PPEF1: variants seen among roughly 807,000 people sequenced by gnomAD.
PPEF1 encodes serine/threonine-protein phosphatase with EF-hands 1.
In PPEF1, 12 loss-of-function variants were observed where a neutral mutation model predicts 53.3. That is an observed-to-expected ratio of 0.23 (90% CI 0.14 to 0.36). The LOEUF is 0.36. Ranked by LOEUF, PPEF1 falls within the 10% of genes least tolerant of loss-of-function variation. PPEF1 has a pLI of 1.00. For missense variants in PPEF1, 334 were observed against 490.4 expected (o/e 0.68, Z 3.01); for synonymous variants, 165 against 176.7 (o/e 0.93, Z 0.52).
intron 2 of PPEF1, among the ~76,000 whole-genome samples, chrX:18,732,594 T>C (rs186420627): frequency 1.8e-5 from 2 of 112,302 alleles, no homozygotes; most frequent in East Asian, 5.6e-4. Context: ...TGACTGTTAA[T>C]GGACAAACCC....
intron 9 of PPEF1, among the ~76,000 whole-genome samples, chrX:18,787,608 C>G (rs1011495857): frequency 1.8e-5 from 2 of 109,829 alleles, no homozygotes; most frequent in African/African-American, 6.6e-5. Context: ...TGGCCTTGCT[C>G]AATGAGCTCA....
chrX:18,795,396 G>A (rs189835479), intron 10 of PPEF1, among the ~76,000 whole-genome samples: 3 of 112,314 alleles, frequency 2.7e-5, no homozygotes, highest in Non-Finnish European at 5.6e-5. Flanking sequence ...CTGTCACTAT[G>A]TTGTCATTTT....
intron 2 of PPEF1, among the ~76,000 whole-genome samples, chrX:18,732,053 A>AT (rs1182882551): frequency 1.1e-4 from 12 of 112,008 alleles, no homozygotes; most frequent in African/African-American, 3.9e-4. Flanking sequence ...CGCCCAGCTA[A>AT]TTTTTGCATT....
intron 10 of PPEF1, among the ~76,000 whole-genome samples, chrX:18,800,003 G>T (rs957041430): frequency 2.7e-5 from 3 of 111,746 alleles, no homozygotes; most frequent in Non-Finnish European, 5.6e-5. Flanking sequence ...AGAACTCAGG[G>T]AATGGATTCT....
At chrX:18,685,259 T>G (rs1193329111) in intron 2 of PPEF1, among the ~76,000 whole-genome samples, 3 of 112,457 alleles carry the variant, frequency 2.7e-5, no homozygotes, top group African/African-American at 9.7e-5. Flanking sequence ...GAATTGGGGA[T>G]CTTTTGGATA....
chrX:18,676,657 C>G lies in PPEF1; in HGVS notation c.-587+527C>G, dbSNP rs187319004. On this transcript the variant is annotated intron_variant, in intron 1 of 20. Coordinates refer to the PPEF1 transcript ENST00000689646. ...CTGGGAAGCCTGATAATAAGTGTAT[C>G]CCACCTGTTTCCAAACCCCTAGCGG... 5.9e-3 allele frequency among the ~76,000 whole-genome samples: 655 copies of G among 111,807 alleles called. 3 individuals are homozygous for G. The highest frequency in any genetic ancestry group is 0.011 in the Non-Finnish European group (565 of 53,109).
chrX:18,820,467 C>G (rs1294274232), intron 13 of PPEF1, among the ~76,000 whole-genome samples: 1 of 108,721 alleles, frequency 9.2e-6, no homozygotes, highest in Non-Finnish European at 1.9e-5. Context: ...CTCACTGCAA[C>G]CTCCGCCTCC....
intron 6 of PPEF1, among the ~76,000 whole-genome samples, chrX:18,702,488 A>G (rs1330724598): frequency 9.4e-6 from 1 of 106,895 alleles, no homozygotes; most frequent in Non-Finnish European, 1.9e-5. Context: ...TGGCTGAGCC[A>G]AGGTGTGGAA....
intron 5 of PPEF1, among the ~76,000 whole-genome samples, chrX:18,759,349 A>G (rs1375115361): frequency 9.0e-6 from 1 of 111,722 alleles, no homozygotes; most frequent in East Asian, 2.8e-4. Context: ...TCTTCCGTTT[A>G]AGACGGTGTT....
chrX:18,806,509 T>C lies in PPEF1; in HGVS notation c.1358T>C (p.Val453Ala). 2.5e-6 allele frequency: 3 copies of C among 1,210,004 alleles called. No individual in the cohort carries two copies. Among genetic ancestry groups the C allele is most frequent in the Non-Finnish European group, 2.2e-6 (2 of 894,440 alleles). Residue 453 changes from valine (V) to alanine (A), a missense_variant, in exon 12 of 16, where the codon GTA (valine) becomes GCA (alanine). Coordinates refer to ENST00000470157, the MANE Select transcript of PPEF1 (RefSeq NM_001377996.1). ...GTTPRFFQYQ[V>A]TKATCFQPLR... is the part of the protein sequence containing the mutation. ...ACTCCTCGATTTTTCCAGTACCAAGTAACTAAAGCAACGTGCTTTCAGCCT... is the reference window on the plus strand; with the variant it reads ...ACTCCTCGATTTTTCCAGTACCAAGCAACTAAAGCAACGTGCTTTCAGCCT...
At chrX:18,783,287 A>G (rs1006123136) in intron 8 of PPEF1, among the ~76,000 whole-genome samples, 14 of 109,538 alleles carry the variant, frequency 1.3e-4, no homozygotes, top group African/African-American at 4.7e-4. Context: ...TAAAGAAGGT[A>G]GCTGGGGTGT....
At chrX:18,713,825 C>A (rs188172873) in intron 1 of PPEF1, among the ~76,000 whole-genome samples, 3 of 111,775 alleles carry the variant, frequency 2.7e-5, no homozygotes, top group Admixed American at 9.5e-5. Flanking sequence ...GCCTCACTTT[C>A]AGCACTAAAA....
chrX:18,825,863 T>C (rs1298793724), intron 15 of PPEF1, 28 bp downstream of exon 15: 1 of 1,057,736 alleles, frequency 9.5e-7, no homozygotes, highest in East Asian at 3.1e-5. Context: ...GATGAGTCCA[T>C]TTAAAAAGTG....
chrX:18,709,571 C>T lies in PPEF1; in HGVS notation c.46+1745C>T, dbSNP rs751285683. ...GGAGTGCAGTGGGGCGATCTCGGCTCGCTGCAACCTCCGCCTCCCAGGTTC... is the reference window on the plus strand; with the variant it reads ...GGAGTGCAGTGGGGCGATCTCGGCTTGCTGCAACCTCCGCCTCCCAGGTTC... On this transcript the variant is annotated intron_variant, in intron 1 of 15. Coordinates refer to ENST00000470157, the MANE Select transcript of PPEF1 (RefSeq NM_001377996.1). 5.7e-5 allele frequency among the ~76,000 whole-genome samples: 6 copies of T among 105,887 alleles called. No homozygotes were observed. The South Asian group carries it at 1.7e-3, about 30-fold the overall frequency. 92.0% of individuals were successfully genotyped at this position (105,887 alleles called of 115,157 possible). A position where few individuals can be genotyped will look rare whatever the true frequency, so the allele number is the denominator to read the frequency against.
chrX:18,765,464 C>CA (rs747102283), intron 6 of PPEF1, among the ~76,000 whole-genome samples: 2 of 110,483 alleles, frequency 1.8e-5, no homozygotes, highest in African/African-American at 6.6e-5. Context: ...GCTATTGCCA[C>CA]AAAAAAACAA....
chrX:18,726,807 G>A (rs774330987), intron 1 of PPEF1, among the ~76,000 whole-genome samples: 32 of 110,013 alleles, frequency 2.9e-4, no homozygotes, highest in African/African-American at 7.0e-4. Context: ...GATTACAAGC[G>A]TGTACCACCG....
At chrX:18,784,183 A>T in intron 9 of PPEF1, 135 bp downstream of exon 9, 2 of 564,092 alleles carry the variant, frequency 3.5e-6, no homozygotes, top group Non-Finnish European at 5.0e-6. Flanking sequence ...ATTAGAGTAT[A>T]TAAAAGTATA....
chrX:18,684,270 T>C (rs1201758077), intron 1 of PPEF1, among the ~76,000 whole-genome samples: 1 of 112,108 alleles, frequency 8.9e-6, no homozygotes, highest in African/African-American at 3.2e-5. Flanking sequence ...TGTTCCAGTA[T>C]GTTAATGGAA....
chrX:18,708,900 C>CT (rs1219113879), intron 1 of PPEF1, among the ~76,000 whole-genome samples: 1 of 110,184 alleles, frequency 9.1e-6, no homozygotes, highest in Admixed American at 9.7e-5. Context: ...GAGAAATTAT[C>CT]TTTTTATATC....
Sources: allele counts gnomAD v4.1 joint callset (sites outside exome capture counted in the v4.1 genomes callset), GRCh38; gene constraint gnomAD v4.1.1; transcripts MANE v1.5; gene names NCBI Gene and HGNC (gene_info 2026-07-23, HGNC 2026-07-21).